ZNF736: variants seen among roughly 807,000 people sequenced by gnomAD.
ZNF736 encodes the protein zinc finger protein 736, also known as KRAB-containing zinc-finger repressor protein.
ZNF736 carries 6 observed loss-of-function variants against 11.7 expected under a neutral mutation model. The observed-to-expected ratio is 0.51, with a 90% confidence interval of 0.28 to 1.01. The LOEUF is 1.01. Ranked by LOEUF, ZNF736 falls within the 50% of genes least tolerant of loss-of-function variation. The pLI is 0.09. For missense variants in ZNF736, 444 were observed against 496.0 expected, an observed-to-expected ratio of 0.90 and a Z score of 1.00; for synonymous variants, 139 against 164.7, an observed-to-expected ratio of 0.84 and a Z score of 1.19.
chr7:64,347,845 T>G (rs1789432179), intron 3 of ZNF736, among the ~76,000 whole-genome samples: 2 of 152,180 alleles, frequency 1.3e-5, no homozygotes, highest in Admixed American at 1.3e-4. Flanking sequence ...TATGAAATAC[T>G]TTTATTACAC....
chr7:64,339,460 A>G (rs1789305023), intron 3 of ZNF736, among the ~76,000 whole-genome samples: 1 of 152,172 alleles, frequency 6.6e-6, no homozygotes, highest in African/African-American at 2.4e-5. Context: ...TAATTTTTAA[A>G]TATTGTAAGA....
rs763740003 is a variant in ZNF736 at position 64,348,579 on chromosome 7, C to G, written c.716C>G (p.Thr239Ser). 4.4e-6 allele frequency: 7 copies of G among 1,590,142 alleles called. No homozygotes were observed. In the Admixed American group the frequency reaches 1.2e-4, roughly 28 times the overall value. The change falls in exon 4 of 4, where the codon ACC becomes AGC. Residue 239 changes from threonine (T) to serine (S), a missense_variant. Transcript: ENST00000423484. ...TGTGAAGGATGTGGCAAAACTTTTA[C>G]CTGCTCCTCAACCCTTGTTAAACAC... is the stretch of plus-strand genomic sequence containing the variant. ...YKCEGCGKTF[T>S]CSSTLVKHKR...
At chr7:64,316,705 AT>A (rs1328929342) in intron 1 of ZNF736, among the ~76,000 whole-genome samples, 3 of 152,144 alleles carry the variant, frequency 2.0e-5, no homozygotes, top group African/African-American at 7.2e-5. Context: ...TTTTTCATTA[AT>A]TGTATAATGG....
chr7:64,333,422 G>A (rs6460138), intron 1 of ZNF736, among the ~76,000 whole-genome samples: 98,902 of 152,072 alleles, frequency 0.65, 33,130 homozygotes, highest in African/African-American at 0.83. Context: ...GAACATGGAA[G>A]GGTGTGGAGA....
In ZNF736 at chr7:64,333,738, C is replaced by G. The variant is rs190160282; in HGVS notation, c.4-2521C>G. Among the ~76,000 whole-genome samples, 325 of 152,050 alleles carry G rather than the reference C, an allele frequency of 2.1e-3. 4 individuals carry two copies. The highest frequency in any genetic ancestry group is 2.5e-3 in the Non-Finnish European group (168 of 68,000). On this transcript the variant is annotated intron_variant, in intron 1 of 3. Coordinates refer to ENST00000423484, the MANE Select transcript of ZNF736 (RefSeq NM_001170905.3). ...TACTACCCAAAGTAATTTATAGATT[C>G]GATGCTATTCCCATCAGGCTACCAT...
rs1469042717 is a variant in ZNF736 at position 64,349,084 on chromosome 7, C to T, written c.1221C>T (p.Ser407=). 11 of 1,598,878 alleles carry T rather than the reference C, an allele frequency of 6.9e-6. No homozygotes were observed. In the South Asian group the frequency reaches 1.2e-4, roughly 18 times the overall value. Residue 407 remains serine, a synonymous_variant, in exon 4 of 4, where the codon AGC becomes AGT. Coordinates refer to ENST00000423484, the MANE Select transcript of ZNF736 (RefSeq NM_001170905.3). The stretch of plus-strand genomic sequence containing the variant: ...GTGAAGAATGTGGCAAAGCATCGAG[C>T]TGGTTCTCACACCTCATCAGACATA... The part of the protein sequence containing the change: ...YKCEECGKAS[S]WFSHLIRHKR...
intron 1 of ZNF736, among the ~76,000 whole-genome samples, chr7:64,321,619 G>A (rs549370629): frequency 6.6e-6 from 1 of 152,168 alleles, no homozygotes; most frequent in Non-Finnish European, 1.5e-5. Flanking sequence ...CTCAAGCAAA[G>A]TCTTGACCTC....
At chr7:64,333,289 C>T (rs1291712083) in intron 1 of ZNF736, among the ~76,000 whole-genome samples, 2 of 152,186 alleles carry the variant, frequency 1.3e-5, no homozygotes, top group Non-Finnish European at 2.9e-5. Flanking sequence ...CTGAGAAATA[C>T]TTTTTCCTTA....
chr7:64,348,746 A>AGG lies in ZNF736; in HGVS notation c.884_885dup (p.Trp296GlyfsTer11). 6.2e-7 allele frequency: 1 copy of AGG among 1,602,626 alleles called. No homozygotes were observed. Among genetic ancestry groups the AGG allele is most frequent in the East Asian group, 2.3e-5 (1 of 44,310 alleles). The stretch of plus-strand genomic sequence containing the variant: ...ATGTGAAGAATGTAACAAAGCCTAT[A>AGG]GGTGGTTCTCAGACCTTGCTAAACA... On this transcript the variant is annotated frameshift_variant, in exon 4 of 4. Transcript: ENST00000423484. LOFTEE classifies it low-confidence loss of function (END_TRUNC).
intron 1 of ZNF736, 132 bp downstream of exon 1, chr7:64,314,285 A>G: frequency 8.5e-7 from 1 of 1,175,166 alleles, no homozygotes; most frequent in Non-Finnish European, 1.2e-6. Context: ...CCGCGGGCAC[A>G]GCTCAATCCT....
chr7:64,343,038 A>G (rs1309645037), intron 3 of ZNF736, among the ~76,000 whole-genome samples: 1 of 152,200 alleles, frequency 6.6e-6, no homozygotes, highest in East Asian at 1.9e-4. Flanking sequence ...GTGCCTATTC[A>G]TATTTTCTCA....
intron 1 of ZNF736, among the ~76,000 whole-genome samples, chr7:64,319,333 GTATATATATATATATATATATATA>G (rs71060585): frequency 0.064 from 4,590 of 71,674 alleles, 427 homozygotes; most frequent in African/African-American, 0.19. Flanking sequence ...GTGTGTATGT[GTATATATATATATATATATATATA>G]TATATATATA....
intron 1 of ZNF736, among the ~76,000 whole-genome samples, chr7:64,334,685 G>T (rs896275700): frequency 2.0e-5 from 3 of 152,194 alleles, no homozygotes; most frequent in African/African-American, 7.2e-5. Flanking sequence ...TACACTGTTG[G>T]TGGGAGTGTA....
intron 3 of ZNF736, among the ~76,000 whole-genome samples, chr7:64,345,727 C>A: frequency 1.2e-4 from 3 of 24,006 alleles, no homozygotes; most frequent in Non-Finnish European, 1.6e-4. Flanking sequence ...AGCAATACTC[C>A]ATCTTAAAAA....
At chr7:64,323,532 A>G (rs1789030927) in intron 1 of ZNF736, among the ~76,000 whole-genome samples, 1 of 152,218 alleles carries the variant, frequency 6.6e-6, no homozygotes, top group Non-Finnish European at 1.5e-5. Context: ...TGTGGTAGGT[A>G]TATACCATGG....
At chr7:64,323,652 G>A (rs970060620) in intron 1 of ZNF736, among the ~76,000 whole-genome samples, 1 of 152,114 alleles carries the variant, frequency 6.6e-6, no homozygotes, top group South Asian at 2.1e-4. Flanking sequence ...AAACCCAAAC[G>A]CTGCATGCTC....
At chr7:64,323,591 C>T (rs1428126183) in intron 1 of ZNF736, among the ~76,000 whole-genome samples, 1 of 152,120 alleles carries the variant, frequency 6.6e-6, no homozygotes, top group African/African-American at 2.4e-5. Context: ...TTGACAGGGA[C>T]ATGGATGGAG....
rs1789455610 is a variant in ZNF736, at chr7:64,349,310, A to G, written c.*163A>G. On this transcript the variant is annotated 3_prime_UTR_variant, in exon 4 of 4. Coordinates refer to ENST00000423484, the MANE Select transcript of ZNF736 (RefSeq NM_001170905.3). ...ATCTGGTTGCTTATATGTTGGGTAC[A>G]TATATAGCCCTTTGCTATTATGTAA... 2.2e-5 allele frequency: 13 copies of G among 592,250 alleles called. No homozygotes were observed. The highest frequency in any genetic ancestry group is 6.9e-5 in the Admixed American group (2 of 29,034). The allele number at this position is 592,250 out of a possible 1,614,324, so 36.7% of individuals were successfully genotyped here.
chr7:64,316,871 T>TG (rs1788925175), intron 1 of ZNF736, among the ~76,000 whole-genome samples: 2 of 152,236 alleles, frequency 1.3e-5, no homozygotes, highest in South Asian at 4.1e-4. Flanking sequence ...GCGTCTGTTC[T>TG]ATTTAGCATG....
Sources: gnomAD v4.1 joint callset for allele counts (sites outside exome capture counted in the v4.1 genomes callset) on GRCh38, gnomAD v4.1.1 for gene constraint, MANE v1.5 for transcripts, NCBI Gene and HGNC (gene_info 2026-07-23, HGNC 2026-07-21) for gene names.